Variants in SLC39A12 observed in about 807,000 individuals in gnomAD.
The protein encoded by SLC39A12 is solute carrier family 39 member 12, also known as zinc transporter ZIP12.
In SLC39A12, 63 loss-of-function variants were observed where a neutral mutation model predicts 71.1. That is an observed-to-expected ratio of 0.89 (90% CI 0.72 to 1.09). The LOEUF (loss-of-function observed/expected upper bound fraction) is 1.09, where lower values mean the gene tolerates loss of function less well. SLC39A12 is among the 50% of genes least tolerant of loss of function. The pLI is 0.00. For missense variants in SLC39A12, 892 were observed against 812.6 expected (o/e 1.10, Z -1.19); for synonymous variants, 351 against 301.3 (o/e 1.16, Z -1.71).
At chr10:17,991,391 G>A in intron 8 of SLC39A12, 88 bp downstream of exon 8, 4 of 1,126,600 alleles carry the variant, frequency 3.6e-6, no homozygotes, top group Non-Finnish European at 3.7e-6. Context: ...CAAAAGTAAT[G>A]AAGTTGCCTG....
intron 2 of SLC39A12, among the ~76,000 whole-genome samples, chr10:17,957,467 C>A (rs2130772400): frequency 6.6e-6 from 1 of 152,210 alleles, no homozygotes; most frequent in East Asian, 1.9e-4. Flanking sequence ...ACCTTTTTCC[C>A]CCACCTGACA....
At chr10:17,962,736 T>A (rs1834724304) in intron 3 of SLC39A12, among the ~76,000 whole-genome samples, 1 of 152,208 alleles carries the variant, frequency 6.6e-6, no homozygotes, top group South Asian at 2.1e-4. Flanking sequence ...TATGTTTAAT[T>A]TCTTTTATTG....
At chr10:18,018,400 G>A (rs9988676) in intron 12 of SLC39A12, among the ~76,000 whole-genome samples, 13,351 of 151,970 alleles carry the variant, frequency 0.088, 1,160 homozygotes, top group African/African-American at 0.23. Flanking sequence ...TGCATTAGCC[G>A]GAACTTCCAG....
chr10:17,961,033 A>G (rs1159636486), intron 2 of SLC39A12, among the ~76,000 whole-genome samples: 1 of 152,170 alleles, frequency 6.6e-6, no homozygotes, highest in African/African-American at 2.4e-5. Context: ...GTTCTGTACT[A>G]GGGAACGCAG....
chr10:18,042,320 A>C (rs76229520), intron 12 of SLC39A12, among the ~76,000 whole-genome samples: 1 of 152,050 alleles, frequency 6.6e-6, no homozygotes, highest in Non-Finnish European at 1.5e-5. Context: ...TCTACAAAAA[A>C]ATGCAAAAAT....
intron 12 of SLC39A12, among the ~76,000 whole-genome samples, chr10:18,029,792 A>G (rs1269752818): frequency 1.3e-5 from 2 of 151,580 alleles, no homozygotes; most frequent in Middle Eastern, 3.4e-3. Flanking sequence ...ACTCCTGCCA[A>G]AAATTTTAAA....
intron 2 of SLC39A12, among the ~76,000 whole-genome samples, chr10:17,958,454 C>A (rs1834604885): frequency 6.6e-6 from 1 of 152,158 alleles, no homozygotes; most frequent in African/African-American, 2.4e-5. Flanking sequence ...AATCTCTTAG[C>A]CACCTAACTG....
intron 6 of SLC39A12, among the ~76,000 whole-genome samples, chr10:17,983,554 T>C (rs1200498539): frequency 6.6e-6 from 1 of 151,864 alleles, no homozygotes; most frequent in Non-Finnish European, 1.5e-5. Context: ...GAGGCCAAGG[T>C]GGGCAGCTCA....
intron 5 of SLC39A12, among the ~76,000 whole-genome samples, chr10:17,979,293 C>T (rs10827981): frequency 0.17 from 25,505 of 152,010 alleles, 2,337 homozygotes; most frequent in African/African-American, 0.21. Context: ...CTAAATGGCA[C>T]AAGAGCAGCA....
chr10:18,030,855 A>T (rs1427144063), intron 12 of SLC39A12, among the ~76,000 whole-genome samples: 6 of 131,938 alleles, frequency 4.5e-5, no homozygotes, highest in African/African-American at 1.1e-4. Flanking sequence ...TGTCCATGTG[A>T]TCTCATTGTT....
rs1222204535 is a variant in SLC39A12, at chr10:17,990,838, G to A, written c.1270-313G>A. Reference sequence around the variant, plus strand: ...AAAAACAATTTGGCCGAAGGACTGAGTTTGTGTGAAAATCTAGGGCACTTG... The same window carrying A: ...AAAAACAATTTGGCCGAAGGACTGAATTTGTGTGAAAATCTAGGGCACTTG... On this transcript the variant is annotated intron_variant, in intron 7 of 12. Coordinates refer to ENST00000377369, the MANE Select transcript of SLC39A12 (RefSeq NM_001145195.2). 2.0e-5 allele frequency among the ~76,000 whole-genome samples: 3 copies of A among 152,198 alleles called. No homozygotes were observed. In the East Asian group the frequency reaches 5.8e-4, roughly 29 times the overall value.
At chr10:18,032,524 G>T (rs1836878495) in intron 12 of SLC39A12, among the ~76,000 whole-genome samples, 1 of 142,300 alleles carries the variant, frequency 7.0e-6, no homozygotes, top group African/African-American at 2.6e-5. Flanking sequence ...TGCTGAAGTT[G>T]CTTATCAGCT....
In SLC39A12 at chr10:17,993,292, G is replaced by C; in HGVS notation, c.1533+1G>C. The stretch of plus-strand genomic sequence containing the variant: ...CAAATCTGCTTCAACTATCCAGTTG[G>C]TAGGTTCCTGATCTGAAGCATTCTA... On this transcript the variant is annotated splice_donor_variant, in intron 9 of 12. Coordinates refer to ENST00000377369, the MANE Select transcript of SLC39A12 (RefSeq NM_001145195.2). LOFTEE classifies it high-confidence loss of function. 6.5e-7 allele frequency: 1 copy of C among 1,539,572 alleles called. No homozygotes were observed. The highest frequency in any genetic ancestry group is 8.8e-7 in the Non-Finnish European group (1 of 1,135,838).
chr10:17,987,380 G>A (rs1835424716), intron 6 of SLC39A12, 99 bp from the exon 7 acceptor site: 1 of 1,018,114 alleles, frequency 9.8e-7, no homozygotes, highest in Non-Finnish European at 1.5e-6. Flanking sequence ...ATCCCTACTG[G>A]CTGTTACTGT....
chr10:17,975,046 C>T (rs572620083), intron 4 of SLC39A12, among the ~76,000 whole-genome samples: 2 of 152,346 alleles, frequency 1.3e-5, no homozygotes, highest in African/African-American at 4.8e-5. Context: ...GCCAGCACCA[C>T]CACAGGTCCA....
At chr10:17,987,371 T>C in intron 6 of SLC39A12, 108 bp from the exon 7 acceptor site, 1 of 912,236 alleles carries the variant, frequency 1.1e-6, no homozygotes. Context: ...AAAATCCATA[T>C]CCCTACTGGC....
chr10:17,995,635 T>G, intron 9 of SLC39A12, 21 bp from the exon 10 acceptor site: 3 of 1,607,016 alleles, frequency 1.9e-6, no homozygotes, highest in Non-Finnish European at 2.6e-6. Flanking sequence ...CTTTCATCAG[T>G]TATTTTTTAA....
chr10:17,967,008 A>G lies in SLC39A12; in HGVS notation c.751+1318A>G, dbSNP rs990958322. On this transcript the variant is annotated intron_variant, in intron 4 of 12. Transcript: ENST00000377369. The stretch of plus-strand genomic sequence containing the variant: ...AAATTCAGTTAGTGTTCATGTTTTC[A>G]TAATTTAAAAAAATTATTTTTATTG... Among the ~76,000 whole-genome samples, 7 of 152,114 alleles carry G rather than the reference A, an allele frequency of 4.6e-5. No individual in the cohort carries two copies. The East Asian group carries it at 1.3e-3, about 29-fold the overall frequency.
chr10:17,965,743 A>G (rs889373911), intron 4 of SLC39A12, 53 bp downstream of exon 4: 5 of 1,458,092 alleles, frequency 3.4e-6, no homozygotes, highest in African/African-American at 2.8e-5. Flanking sequence ...TAAATAAACT[A>G]TGCCAAAAAC....
Sources: gnomAD v4.1 joint callset for allele counts (sites outside exome capture counted in the v4.1 genomes callset) on GRCh38, gnomAD v4.1.1 for gene constraint, MANE v1.5 for transcripts, NCBI Gene and HGNC (gene_info 2026-07-23, HGNC 2026-07-21) for gene names.